The following ATG10 variants were observed in gnomAD, a reference collection of about 807,000 sequenced individuals.
ATG10 encodes ubiquitin-like-conjugating enzyme ATG10.
ATG10 carries 30 observed loss-of-function variants against 32.1 expected under a neutral mutation model. The ratio of observed to expected loss-of-function variants is 0.94; its 90% CI spans 0.70 to 1.27. The LOEUF is 1.27. ATG10 is among the 50% of genes most tolerant of loss of function. ATG10 has a pLI of 0.00. For synonymous variants in ATG10, 87 were observed against 91.5 expected, an observed-to-expected ratio of 0.95 and a Z score of 0.28; for missense variants, 233 against 262.3, an observed-to-expected ratio of 0.89 and a Z score of 0.77.
chr5:82,006,169 C>T (rs191502291), intron 2 of ATG10, among the ~76,000 whole-genome samples: 149 of 152,234 alleles, frequency 9.8e-4, no homozygotes, highest in Admixed American at 1.5e-3. Context: ...TATGCTAATA[C>T]ATTAAATTCA....
At chr5:81,991,827 A>G (rs1432989676) in intron 2 of ATG10, among the ~76,000 whole-genome samples, 3 of 151,966 alleles carry the variant, frequency 2.0e-5, no homozygotes, top group East Asian at 1.9e-4. Context: ...ATACCTATGT[A>G]TAGGGCTCCT....
At chr5:82,083,102 G>A (rs139871499) in intron 3 of ATG10, among the ~76,000 whole-genome samples, 224 of 152,314 alleles carry the variant, frequency 1.5e-3, no homozygotes, top group African/African-American at 5.3e-3. Context: ...TGTGACAGAT[G>A]GTACCTGGAA....
chr5:82,239,250 CT>C (rs1459431479), intron 5 of ATG10, among the ~76,000 whole-genome samples: 1 of 152,122 alleles, frequency 6.6e-6, no homozygotes, highest in Non-Finnish European at 1.5e-5. Context: ...AAATATTTCC[CT>C]TTATGGAACA....
intron 3 of ATG10, among the ~76,000 whole-genome samples, chr5:82,088,166 A>G (rs1231154330): frequency 6.6e-6 from 1 of 151,866 alleles, no homozygotes; most frequent in Non-Finnish European, 1.5e-5. Flanking sequence ...AAATTTTGGG[A>G]TCTACCACTC....
intron 3 of ATG10, among the ~76,000 whole-genome samples, chr5:82,153,805 G>A (rs532634167): frequency 2.0e-5 from 3 of 151,952 alleles, no homozygotes; most frequent in South Asian, 2.1e-4. Context: ...ATTTTTTAAT[G>A]TATTTCCTTA....
intron 5 of ATG10, among the ~76,000 whole-genome samples, chr5:82,200,270 T>A (rs1745012867): frequency 6.6e-6 from 1 of 152,078 alleles, no homozygotes; most frequent in Non-Finnish European, 1.5e-5. Context: ...TTCCTCCATG[T>A]CTTTACCGGC....
chr5:82,046,859 TTGAG>T (rs1763249937), intron 2 of ATG10, among the ~76,000 whole-genome samples: 1 of 152,316 alleles, frequency 6.6e-6, no homozygotes, highest in South Asian at 2.1e-4. Flanking sequence ...CTTAATTCTC[TTGAG>T]TAATTTTCAT....
chr5:82,177,944 T>C (rs2149922463), intron 4 of ATG10, among the ~76,000 whole-genome samples: 1 of 152,264 alleles, frequency 6.6e-6, no homozygotes, highest in East Asian at 1.9e-4. Flanking sequence ...TCTACTGTAA[T>C]ATACTTGTCA....
Position 82,047,574 on chromosome 5 carries a change from C to T in ATG10, c.109-10921C>T, listed in dbSNP as rs569188964. On this transcript the variant is annotated intron_variant, in intron 2 of 7. Coordinates refer to ENST00000282185, the MANE Select transcript of ATG10 (RefSeq NM_031482.5). ...TAAACACATATGCATGTGTGCTTCTCCCCACATCAGGTCACCAAATTCCCA... is the reference window on the plus strand; with the variant it reads ...TAAACACATATGCATGTGTGCTTCTTCCCACATCAGGTCACCAAATTCCCA... Among the ~76,000 whole-genome samples the T allele has an allele frequency of 1.1e-3, 174 of 152,294 alleles. 2 individuals carry two copies. The highest frequency in any genetic ancestry group is 2.3e-3 in the Admixed American group (35 of 15,300).
chr5:82,228,531 G>A (rs1746226206), intron 5 of ATG10, among the ~76,000 whole-genome samples: 1 of 152,090 alleles, frequency 6.6e-6, no homozygotes, highest in Non-Finnish European at 1.5e-5. Context: ...TTTGAGAGGA[G>A]CACAATAGAG....
At chr5:81,993,445 T>C (rs1436704455) in intron 2 of ATG10, among the ~76,000 whole-genome samples, 2 of 147,116 alleles carry the variant, frequency 1.4e-5, no homozygotes, top group Non-Finnish European at 3.0e-5. Flanking sequence ...CTTTCTTTTT[T>C]TGAGGCAGAG....
chr5:82,074,919 C>T (rs750119508), intron 3 of ATG10, among the ~76,000 whole-genome samples: 1 of 151,990 alleles, frequency 6.6e-6, no homozygotes, highest in African/African-American at 2.4e-5. Context: ...AAGGACTTAA[C>T]CAAAAAGGGT....
intron 3 of ATG10, among the ~76,000 whole-genome samples, chr5:82,158,307 T>G (rs1386781161): frequency 1.3e-5 from 2 of 152,192 alleles, no homozygotes; most frequent in African/African-American, 4.8e-5. Context: ...ATATTGTGAC[T>G]TCTTTTTTCA....
At chr5:82,211,651 C>T (rs2149979581) in intron 5 of ATG10, among the ~76,000 whole-genome samples, 1 of 152,350 alleles carries the variant, frequency 6.6e-6, no homozygotes, top group African/African-American at 2.4e-5. Flanking sequence ...ATTCCAGGCT[C>T]AGGACTCCTT....
intron 3 of ATG10, among the ~76,000 whole-genome samples, chr5:82,121,210 C>T (rs1766027260): frequency 6.6e-6 from 1 of 152,112 alleles, no homozygotes; most frequent in Admixed American, 6.6e-5. Context: ...TAGCTTCAGT[C>T]CTGTGTTTTG....
intron 1 of ATG10, among the ~76,000 whole-genome samples, chr5:81,972,798 A>C (rs1370372256): frequency 6.6e-6 from 1 of 152,184 alleles, no homozygotes; most frequent in African/African-American, 2.4e-5. Flanking sequence ...AAAATCAAGA[A>C]TTGGCGGGGA....
intron 2 of ATG10, among the ~76,000 whole-genome samples, chr5:82,039,009 G>C (rs771727462): frequency 6.6e-6 from 1 of 152,104 alleles, no homozygotes; most frequent in South Asian, 2.1e-4. Context: ...ACTATGCCTG[G>C]CTGATTTTTA....
chr5:82,115,176 T>A (rs573744480), intron 3 of ATG10, among the ~76,000 whole-genome samples: 1 of 152,010 alleles, frequency 6.6e-6, no homozygotes, highest in South Asian at 2.1e-4. Context: ...TTGGAAGAAA[T>A]CAACGATGAA....
At chr5:82,062,064 A>T (rs1317911292) in intron 3 of ATG10, among the ~76,000 whole-genome samples, 1 of 151,938 alleles carries the variant, frequency 6.6e-6, no homozygotes, top group African/African-American at 2.4e-5. Context: ...TCCTGGCCTC[A>T]AGTGTTCCTC....
Sources: gnomAD v4.1 joint callset for allele counts (sites outside exome capture counted in the v4.1 genomes callset) on GRCh38, gnomAD v4.1.1 for gene constraint, MANE v1.5 for transcripts, NCBI Gene and HGNC (gene_info 2026-07-23, HGNC 2026-07-21) for gene names.